Variants in SPOP observed in about 807,000 individuals in gnomAD.
SPOP encodes speckle-type POZ protein.
A neutral mutation model predicts 45.6 loss-of-function variants in SPOP; 11 were observed. The observed-to-expected ratio is 0.24, with a 90% CI of 0.15 to 0.40. SPOP has a LOEUF of 0.40. SPOP is among the 10% of genes least tolerant of loss of function. The pLI, the probability that SPOP is intolerant of heterozygous loss-of-function variation, is 1.00. For synonymous variants in SPOP, 166 were observed against 166.3 expected, an observed-to-expected ratio of 1.00 and a Z score of 0.01; for missense variants, 152 against 465.6, an observed-to-expected ratio of 0.33 and a Z score of 6.20.
chr17:49,672,139 C>CA (rs550827919), intron 1 of SPOP, among the ~76,000 whole-genome samples: 6 of 148,580 alleles, frequency 4.0e-5, no homozygotes, highest in South Asian at 2.1e-4. Context: ...GACTCCATCT[C>CA]AAAAAAAAAA....
intron 1 of SPOP, among the ~76,000 whole-genome samples, chr17:49,653,638 C>T (rs960054903): frequency 6.6e-6 from 1 of 151,658 alleles, no homozygotes; most frequent in African/African-American, 2.4e-5. Context: ...TCAATATGTA[C>T]TTCCAATGTG....
At chr17:49,603,950 C>CTAGGGAGCAAGAATGAAAACT (rs2071786980) in intron 8 of SPOP, among the ~76,000 whole-genome samples, 1 of 152,140 alleles carries the variant, frequency 6.6e-6, no homozygotes, top group African/African-American at 2.4e-5. Flanking sequence ...GGTTTTCTGG[C>CTAGGGAGCAAGAATGAAAACT]TAGGGAGCAA....
chr17:49,651,072 G>T (rs1022780532), intron 1 of SPOP, among the ~76,000 whole-genome samples: 10 of 151,900 alleles, frequency 6.6e-5, no homozygotes, highest in African/African-American at 2.4e-4. Flanking sequence ...GTTATGTGAG[G>T]AAAAAAAGAG....
chr17:49,656,180 T>C (rs2072910768), intron 1 of SPOP, among the ~76,000 whole-genome samples: 1 of 152,194 alleles, frequency 6.6e-6, no homozygotes, highest in Non-Finnish European at 1.5e-5. Flanking sequence ...TTGTCTGAAC[T>C]CTTTGATATT....
intron 1 of SPOP, among the ~76,000 whole-genome samples, chr17:49,649,299 A>AG (rs1406368459): frequency 1.1e-4 from 17 of 151,190 alleles, no homozygotes; most frequent in East Asian, 2.0e-4. Flanking sequence ...GCACTTTGGG[A>AG]ACCAAGGAGA....
chr17:49,611,528 T>A, intron 5 of SPOP, 71 bp from the exon 6 acceptor site: 1 of 1,070,196 alleles, frequency 9.3e-7, no homozygotes, highest in Non-Finnish European at 1.4e-6. Flanking sequence ...ATAGACGACT[T>A]TTACCTAACT....
chr17:49,637,493 G>C (rs2072563761), intron 1 of SPOP, among the ~76,000 whole-genome samples: 1 of 152,084 alleles, frequency 6.6e-6, no homozygotes, highest in Non-Finnish European at 1.5e-5. Context: ...TGGGATTACA[G>C]GTGCCTGCCA....
intron 1 of SPOP, among the ~76,000 whole-genome samples, chr17:49,632,495 C>CT (rs914600791): frequency 0.019 from 2,730 of 145,440 alleles, 86 homozygotes; most frequent in African/African-American, 0.06. Context: ...TTAAATTCTT[C>CT]TTTTTTTTTT....
chr17:49,649,161 G>A (rs1348165936), intron 1 of SPOP, among the ~76,000 whole-genome samples: 3 of 152,154 alleles, frequency 2.0e-5, no homozygotes, highest in Admixed American at 1.3e-4. Flanking sequence ...TCTAGATTCT[G>A]TATTTTTTAT....
At chr17:49,627,820 T>C (rs1567783570) in intron 1 of SPOP, among the ~76,000 whole-genome samples, 1 of 152,218 alleles carries the variant, frequency 6.6e-6, no homozygotes. Flanking sequence ...TTTTCCCTTC[T>C]TCTAATTTTT....
At chr17:49,634,508 G>C (rs2072508383) in intron 1 of SPOP, among the ~76,000 whole-genome samples, 1 of 152,136 alleles carries the variant, frequency 6.6e-6, no homozygotes, top group Non-Finnish European at 1.5e-5. Flanking sequence ...AGAGGTTATG[G>C]TCTTTGACCC....
intron 1 of SPOP, among the ~76,000 whole-genome samples, chr17:49,671,282 T>C (rs2073132095): frequency 6.6e-6 from 1 of 151,770 alleles, no homozygotes; most frequent in Non-Finnish European, 1.5e-5. Flanking sequence ...GGTAGACAAA[T>C]AACCTGTTAG....
At position 49,650,597 on chromosome 17, in the gene SPOP, T is replaced by TAATA. The variant is rs767193511; in HGVS notation, c.-67+27332_-67+27335dup. 1.2e-4 allele frequency among the ~76,000 whole-genome samples: 19 copies of TAATA among 152,132 alleles called. No individual in the cohort carries two copies. The East Asian group carries it at 3.7e-3, about 29-fold the overall frequency. ...TCCGTTTCAAAAATAATAATAACAA[T>TAATA]AATAAATAAATAAGTAGAAAAACAA... On this transcript the variant is annotated intron_variant, in intron 1 of 9. Coordinates refer to ENST00000504102, the MANE Select transcript of SPOP (RefSeq NM_001007228.2).
chr17:49,633,283 T>C (rs2143385789), intron 1 of SPOP, among the ~76,000 whole-genome samples: 1 of 152,224 alleles, frequency 6.6e-6, no homozygotes, highest in South Asian at 2.1e-4. Flanking sequence ...CTCATCTAGA[T>C]AGATCAAGGC....
intron 1 of SPOP, among the ~76,000 whole-genome samples, chr17:49,651,856 T>C (rs2072846665): frequency 6.6e-6 from 1 of 151,896 alleles, no homozygotes; most frequent in Non-Finnish European, 1.5e-5. Flanking sequence ...CTGTCTCCAC[T>C]AAAAATACAA....
chr17:49,617,021 T>C (rs1408290764), intron 5 of SPOP, among the ~76,000 whole-genome samples: 1 of 152,060 alleles, frequency 6.6e-6, no homozygotes, highest in Non-Finnish European at 1.5e-5. Flanking sequence ...GACTGCCAAG[T>C]GAGGGCAGGC....
At chr17:49,605,275 G>A (rs2071816104) in intron 8 of SPOP, among the ~76,000 whole-genome samples, 1 of 152,196 alleles carries the variant, frequency 6.6e-6, no homozygotes. Flanking sequence ...TAAGGTAAAA[G>A]TTGAAAATGC....
At chr17:49,611,126 T>G (rs887512233) in intron 6 of SPOP, among the ~76,000 whole-genome samples, 154 bp downstream of exon 6, 14 of 152,234 alleles carry the variant, frequency 9.2e-5, no homozygotes, top group African/African-American at 3.4e-4. Flanking sequence ...TTTTTGGTTC[T>G]GAGCATTGTT....
chr17:49,615,576 C>T (rs899202584), intron 5 of SPOP, among the ~76,000 whole-genome samples: 3 of 152,088 alleles, frequency 2.0e-5, no homozygotes, highest in Admixed American at 6.5e-5. Flanking sequence ...CTCACAAGCA[C>T]GATCATAGCA....
Sources: allele counts gnomAD v4.1 joint callset (sites outside exome capture counted in the v4.1 genomes callset), GRCh38; gene constraint gnomAD v4.1.1; transcripts MANE v1.5; gene names NCBI Gene and HGNC (gene_info 2026-07-23, HGNC 2026-07-21).